The following TRPM3 variants were observed in gnomAD, a reference collection of about 807,000 sequenced individuals.
The protein encoded by TRPM3 is long transient receptor potential channel 3.
In TRPM3, 77 loss-of-function variants were observed where a neutral mutation model predicts 181.2. The ratio of observed to expected loss-of-function variants is 0.42; its 90% CI spans 0.35 to 0.51. The LOEUF (loss-of-function observed/expected upper bound fraction) is 0.51, where lower values mean the gene tolerates loss of function less well. TRPM3 is among the 20% of genes least tolerant of loss of function. The pLI is 0.01. For missense variants in TRPM3, 1,759 were observed against 2,196.7 expected, an observed-to-expected ratio of 0.80 and a Z score of 3.98; for synonymous variants, 745 against 796.4, an observed-to-expected ratio of 0.94 and a Z score of 1.09.
At chr9:71,303,927 C>G (rs558622662) in intron 1 of TRPM3, among the ~76,000 whole-genome samples, 13 of 151,912 alleles carry the variant, frequency 8.6e-5, no homozygotes, top group Non-Finnish European at 1.5e-5. Context: ...AATTCCTATA[C>G]AAAAACTTGT....
At chr9:70,612,083 T>G (rs1156464875) in intron 18 of TRPM3, among the ~76,000 whole-genome samples, 1 of 152,218 alleles carries the variant, frequency 6.6e-6, no homozygotes, top group Non-Finnish European at 1.5e-5. Flanking sequence ...AGGTAGCATC[T>G]GGCACTTAGT....
chr9:70,920,759 G>A (rs1189899064), intron 1 of TRPM3, among the ~76,000 whole-genome samples: 1 of 151,992 alleles, frequency 6.6e-6, no homozygotes, highest in African/African-American at 2.4e-5. Context: ...ACTTTAAATG[G>A]AATCAATATG....
At chr9:71,135,782 C>CA (rs760627795) in intron 1 of TRPM3, among the ~76,000 whole-genome samples, 70 of 151,294 alleles carry the variant, frequency 4.6e-4, no homozygotes, top group African/African-American at 1.6e-3. Context: ...TATCTTCAGG[C>CA]AAAAAAAACC....
chr9:70,804,992 C>T (rs1766122970), intron 6 of TRPM3, among the ~76,000 whole-genome samples: 2 of 152,164 alleles, frequency 1.3e-5, no homozygotes, highest in South Asian at 2.1e-4. Flanking sequence ...CAGCTGCAGC[C>T]AGGGTCCCAC....
intron 1 of TRPM3, among the ~76,000 whole-genome samples, chr9:71,146,253 G>A (rs1172327322): frequency 6.6e-6 from 1 of 152,102 alleles, no homozygotes; most frequent in African/African-American, 2.4e-5. Flanking sequence ...TAAGAATGAT[G>A]GAGCTTTCGA....
intron 22 of TRPM3, among the ~76,000 whole-genome samples, chr9:70,565,591 C>A (rs1222058359): frequency 6.9e-6 from 1 of 143,892 alleles, no homozygotes; most frequent in African/African-American, 2.6e-5. Flanking sequence ...CTGTGCCCAG[C>A]CTAGATTTAT....
chr9:71,400,890 C>G (rs929893292), intron 1 of TRPM3, among the ~76,000 whole-genome samples: 1 of 151,266 alleles, frequency 6.6e-6, no homozygotes, highest in Non-Finnish European at 1.5e-5. Flanking sequence ...TTAGTAAAAC[C>G]AAACACACAT....
intron 1 of TRPM3, among the ~76,000 whole-genome samples, chr9:71,186,467 T>C (rs1408566646): frequency 6.6e-6 from 1 of 152,096 alleles, no homozygotes; most frequent in African/African-American, 2.4e-5. Flanking sequence ...TCTTATACTG[T>C]ATGTTTTTTA....
chr9:70,701,916 C>T (rs1454202325), intron 8 of TRPM3, among the ~76,000 whole-genome samples: 1 of 147,132 alleles, frequency 6.8e-6, no homozygotes, highest in Non-Finnish European at 1.5e-5. Flanking sequence ...GTAGGGATAA[C>T]ACAGATTTAA....
At chr9:71,305,871 T>G (rs1295248573) in intron 1 of TRPM3, among the ~76,000 whole-genome samples, 3 of 152,158 alleles carry the variant, frequency 2.0e-5, no homozygotes, top group Non-Finnish European at 4.4e-5. Flanking sequence ...GGATCAGAAT[T>G]CCTTCTTTTA....
chr9:71,115,646 T>A (rs967796351), intron 1 of TRPM3, among the ~76,000 whole-genome samples: 6 of 152,076 alleles, frequency 3.9e-5, no homozygotes, highest in Non-Finnish European at 1.5e-5. Flanking sequence ...CCTTTCCCCT[T>A]GAGACAGACC....
intron 1 of TRPM3, among the ~76,000 whole-genome samples, chr9:71,058,582 C>T (rs1053273788): frequency 3.9e-5 from 6 of 152,024 alleles, no homozygotes; most frequent in African/African-American, 1.4e-4. Flanking sequence ...AGTTCTGCTG[C>T]AATGAATGCA....
intron 1 of TRPM3, among the ~76,000 whole-genome samples, chr9:71,162,596 C>T (rs2076335633): frequency 6.6e-6 from 1 of 152,092 alleles, no homozygotes; most frequent in Non-Finnish European, 1.5e-5. Flanking sequence ...AATTAAATTA[C>T]ACAAGTGGAA....
chr9:70,555,992 A>G (rs988704346), intron 22 of TRPM3, among the ~76,000 whole-genome samples: 1 of 152,328 alleles, frequency 6.6e-6, no homozygotes, highest in Middle Eastern at 3.4e-3. Context: ...GAGCTCATTT[A>G]TCTTGCTCTT....
chr9:70,592,651 C>T (rs908946882), intron 21 of TRPM3, among the ~76,000 whole-genome samples: 4 of 151,664 alleles, frequency 2.6e-5, no homozygotes, highest in African/African-American at 9.7e-5. Context: ...GAAGGGATGC[C>T]CATCCACAAA....
chr9:71,326,777 T>C (rs1490496777), intron 1 of TRPM3, among the ~76,000 whole-genome samples: 1 of 152,164 alleles, frequency 6.6e-6, no homozygotes, highest in African/African-American at 2.4e-5. Flanking sequence ...ACCTCCTTCA[T>C]CCTCAGCAAC....
intron 1 of TRPM3, among the ~76,000 whole-genome samples, chr9:71,328,925 T>C (rs775444489): frequency 3.3e-5 from 5 of 152,238 alleles, no homozygotes; most frequent in Non-Finnish European, 7.3e-5. Flanking sequence ...TACTCACATA[T>C]GGACAATGCT....
chr9:71,106,355 T>C (rs2069567690), intron 1 of TRPM3, among the ~76,000 whole-genome samples: 1 of 152,150 alleles, frequency 6.6e-6, no homozygotes, highest in Non-Finnish European at 1.5e-5. Context: ...AGATCCCTCG[T>C]GAATGGCTTG....
intron 1 of TRPM3, among the ~76,000 whole-genome samples, chr9:71,213,600 A>G (rs1036958869): frequency 6.6e-6 from 1 of 152,212 alleles, no homozygotes; most frequent in African/African-American, 2.4e-5. Flanking sequence ...TAGCTTTGGA[A>G]TATCATAAAT....
Sources: allele counts gnomAD v4.1 joint callset (sites outside exome capture counted in the v4.1 genomes callset), GRCh38; gene constraint gnomAD v4.1.1; transcripts MANE v1.5; gene names NCBI Gene and HGNC (gene_info 2026-07-23, HGNC 2026-07-21).